The following NELL2 variants were observed in gnomAD, a reference collection of about 807,000 sequenced individuals.
NELL2 encodes the protein protein kinase C-binding protein NELL2.
A neutral mutation model predicts 109.6 loss-of-function variants in NELL2; 41 were observed. The ratio of observed to expected loss-of-function variants is 0.37; its 90% CI spans 0.29 to 0.49. The LOEUF (loss-of-function observed/expected upper bound fraction) is 0.49. Ranked by LOEUF, NELL2 falls within the 20% of genes least tolerant of loss-of-function variation. The probability of loss-of-function intolerance (pLI) is 0.98; values close to 1 mark genes in which losing one functional copy is unlikely to be tolerated. For synonymous variants in NELL2, 355 were observed against 344.7 expected (o/e 1.03, Z -0.33); for missense variants, 900 against 1,008.3 (o/e 0.89, Z 1.45).
intron 2 of NELL2, 149 bp from the exon 3 acceptor site, chr12:44,816,285 A>G (rs1943347742): frequency 4.9e-6 from 3 of 611,086 alleles, no homozygotes; most frequent in Non-Finnish European, 8.0e-6. Context: ...ATTATTTTTC[A>G]AAAAGACTTT....
At position 44,834,744 on chromosome 12, in the gene NELL2, C is replaced by T. The variant is rs570873729; in HGVS notation, c.185-18608G>A. Among the ~76,000 whole-genome samples the T allele has an allele frequency of 3.9e-5, 6 of 152,282 alleles. No individual in the cohort carries two copies. The East Asian group carries it at 9.7e-4, about 25-fold the overall frequency. The stretch of plus-strand genomic sequence containing the variant: ...GACCTTTAATAACCTCCATCCCACC[C>T]CAGCAGATCCCGGGGTCTTCTCCCA... On this transcript the variant is annotated intron_variant, in intron 2 of 19. Coordinates refer to ENST00000429094, the MANE Select transcript of NELL2 (RefSeq NM_001145108.2).
At chr12:44,803,939 T>C (rs1445088742) in intron 3 of NELL2, among the ~76,000 whole-genome samples, 1 of 151,988 alleles carries the variant, frequency 6.6e-6, no homozygotes. Flanking sequence ...ATGTGCATAG[T>C]TTAAGTGTGT....
At chr12:44,846,120 T>C (rs547550822) in intron 2 of NELL2, among the ~76,000 whole-genome samples, 13 of 152,220 alleles carry the variant, frequency 8.5e-5, no homozygotes, top group Non-Finnish European at 1.9e-4. Context: ...AGTTACTGAC[T>C]TGGCCATGCA....
intron 1 of NELL2, among the ~76,000 whole-genome samples, chr12:44,898,784 G>A (rs1341319817): frequency 6.6e-6 from 1 of 152,176 alleles, no homozygotes; most frequent in African/African-American, 2.4e-5. Context: ...GTAGGCTTCA[G>A]AAGGTGGGTA....
intron 15 of NELL2, among the ~76,000 whole-genome samples, chr12:44,578,823 A>C (rs1340914596): frequency 6.6e-6 from 1 of 152,154 alleles, no homozygotes; most frequent in Non-Finnish European, 1.5e-5. Context: ...GTAGTTTATA[A>C]GGGAAATGTC....
chr12:44,854,798 C>CA (rs975753027), intron 2 of NELL2, among the ~76,000 whole-genome samples: 58 of 143,482 alleles, frequency 4.0e-4, no homozygotes, highest in Non-Finnish European at 6.0e-4. Context: ...ATAGCTATTC[C>CA]AAAAAAAAAA....
At chr12:44,825,599 T>C (rs1280780103) in intron 2 of NELL2, among the ~76,000 whole-genome samples, 9 of 150,548 alleles carry the variant, frequency 6.0e-5, no homozygotes, top group African/African-American at 2.2e-4. Context: ...TTTCACCATG[T>C]TAGCAAAGAT....
At chr12:44,753,705 T>C (rs1217154976) in intron 9 of NELL2, among the ~76,000 whole-genome samples, 2 of 152,178 alleles carry the variant, frequency 1.3e-5, no homozygotes, top group African/African-American at 2.4e-5. Context: ...AATCTGTATA[T>C]ATAAAATGAT....
At chr12:44,824,946 G>A (rs1318217671) in intron 2 of NELL2, among the ~76,000 whole-genome samples, 4 of 151,870 alleles carry the variant, frequency 2.6e-5, no homozygotes, top group African/African-American at 4.8e-5. Flanking sequence ...TCCTGACCTC[G>A]TGATCCACCC....
At chr12:44,620,596 C>T (rs2136270772) in intron 13 of NELL2, among the ~76,000 whole-genome samples, 1 of 152,234 alleles carries the variant, frequency 6.6e-6, no homozygotes, top group South Asian at 2.1e-4. Context: ...TTCCCATCCA[C>T]AGACAAATAT....
At chr12:44,863,292 A>G (rs1049315901) in intron 2 of NELL2, among the ~76,000 whole-genome samples, 1 of 152,248 alleles carries the variant, frequency 6.6e-6, no homozygotes, top group Non-Finnish European at 1.5e-5. Flanking sequence ...GGAGAAAGAT[A>G]TCCAGATACA....
chr12:44,821,804 G>A (rs975401916), intron 2 of NELL2, among the ~76,000 whole-genome samples: 10 of 151,614 alleles, frequency 6.6e-5, no homozygotes, highest in African/African-American at 2.2e-4. Flanking sequence ...TGCAACCTTC[G>A]CCTCCCAGGT....
chr12:44,859,200 TA>T (rs1944767924), intron 2 of NELL2, among the ~76,000 whole-genome samples: 1 of 152,216 alleles, frequency 6.6e-6, no homozygotes, highest in Non-Finnish European at 1.5e-5. Context: ...TCCCCATCCT[TA>T]AAATAGAAGC....
chr12:44,732,887 G>C (rs1264558607), intron 9 of NELL2, among the ~76,000 whole-genome samples: 1 of 151,920 alleles, frequency 6.6e-6, no homozygotes, highest in Non-Finnish European at 1.5e-5. Context: ...ACTGGGCAAA[G>C]GATTTGAATA....
At chr12:44,745,819 C>T (rs1159369548) in intron 9 of NELL2, among the ~76,000 whole-genome samples, 1 of 152,170 alleles carries the variant, frequency 6.6e-6, no homozygotes, top group African/African-American at 2.4e-5. Flanking sequence ...AATGGAAGAA[C>T]ATTCCATCCT....
chr12:44,822,293 G>C (rs761481347), intron 2 of NELL2, among the ~76,000 whole-genome samples: 27 of 152,118 alleles, frequency 1.8e-4, no homozygotes, highest in Non-Finnish European at 1.8e-4. Context: ...CAAGCAATGA[G>C]GCTGTGGAAT....
chr12:44,585,231 C>CA (rs1944449893), intron 15 of NELL2, among the ~76,000 whole-genome samples: 1 of 152,014 alleles, frequency 6.6e-6, no homozygotes. Context: ...CACATTTGCA[C>CA]AAAAAATATA....
intron 2 of NELL2, among the ~76,000 whole-genome samples, chr12:44,839,773 T>C (rs1944166306): frequency 6.6e-6 from 1 of 151,796 alleles, no homozygotes; most frequent in Admixed American, 6.6e-5. Context: ...AAGAATGCTG[T>C]TCTTCACACC....
chr12:44,732,132 T>C (rs1370288519), intron 9 of NELL2, among the ~76,000 whole-genome samples: 1 of 152,004 alleles, frequency 6.6e-6, no homozygotes, highest in Non-Finnish European at 1.5e-5. Context: ...ATTGTTAAAA[T>C]ATTTGTACTA....
Sources: gnomAD v4.1 joint callset for allele counts (sites outside exome capture counted in the v4.1 genomes callset) on GRCh38, gnomAD v4.1.1 for gene constraint, MANE v1.5 for transcripts, NCBI Gene and HGNC (gene_info 2026-07-23, HGNC 2026-07-21) for gene names.